CTIF: variants seen among roughly 807,000 people sequenced by gnomAD.
CTIF encodes CBP80/20-dependent translation initiation factor.
Under a neutral mutation model 66.0 loss-of-function variants are expected in CTIF, and 21 were observed. That is an observed-to-expected ratio of 0.32 (90% CI 0.23 to 0.46). CTIF has a LOEUF of 0.46. CTIF is among the 20% of genes least tolerant of loss of function. CTIF has a pLI of 1.00. For missense variants in CTIF, 739 were observed against 812.7 expected (o/e 0.91, Z 1.10); for synonymous variants, 345 against 326.4 (o/e 1.06, Z -0.62).
At chr18:48,738,263 G>A (rs2092521633) in intron 7 of CTIF, among the ~76,000 whole-genome samples, 1 of 152,136 alleles carries the variant, frequency 6.6e-6, no homozygotes, top group South Asian at 2.1e-4. Context: ...GGCCAAGGCA[G>A]TGTGGGCTCT....
intron 7 of CTIF, among the ~76,000 whole-genome samples, chr18:48,736,291 G>T (rs1213179904): frequency 6.6e-6 from 1 of 152,154 alleles, no homozygotes; most frequent in Non-Finnish European, 1.5e-5. Context: ...GAATGCCTGT[G>T]CCTCTCCAAG....
At chr18:48,595,081 C>G (rs564731562) in intron 1 of CTIF, among the ~76,000 whole-genome samples, 1 of 152,338 alleles carries the variant, frequency 6.6e-6, no homozygotes, top group East Asian at 1.9e-4. Context: ...CATCAAGTCA[C>G]AATGAACAAA....
At chr18:48,619,792 G>T (rs770507427) in intron 2 of CTIF, 47 bp downstream of exon 2, 221 of 1,447,502 alleles carry the variant, frequency 1.5e-4, no homozygotes, top group Non-Finnish European at 1.9e-4. Context: ...TTCAGAGGGG[G>T]TGATGCAGGA....
chr18:48,561,130 A>G (rs1187731544), intron 1 of CTIF, among the ~76,000 whole-genome samples: 1 of 148,814 alleles, frequency 6.7e-6, no homozygotes. Context: ...TCCCAGCTAC[A>G]TGGGAGGCTG....
intron 8 of CTIF, chr18:48,760,611 C>A (rs953287145): frequency 6.6e-6 from 1 of 152,176 alleles, no homozygotes; most frequent in Non-Finnish European, 1.5e-5. Flanking sequence ...CACTTCCTTG[C>A]AGTTAAGTTG....
chr18:48,694,848 C>T (rs2091982354), intron 6 of CTIF, among the ~76,000 whole-genome samples: 1 of 151,896 alleles, frequency 6.6e-6, no homozygotes, highest in African/African-American at 2.4e-5. Context: ...ATATTTGGAA[C>T]AGGACTTACA....
At chr18:48,732,325 G>C (rs535485333) in intron 7 of CTIF, among the ~76,000 whole-genome samples, 1 of 152,276 alleles carries the variant, frequency 6.6e-6, no homozygotes. Flanking sequence ...AAGGCTGTAG[G>C]AAAAATAGAA....
chr18:48,729,975 C>A (rs1016116535), intron 7 of CTIF, among the ~76,000 whole-genome samples: 9 of 152,230 alleles, frequency 5.9e-5, no homozygotes, highest in African/African-American at 2.2e-4. Context: ...GGAGGACTGC[C>A]TCAGGAGGCT....
In CTIF at chr18:48,735,019, T is replaced by C. The variant is rs185453487; in HGVS notation, c.585-22900T>C. ...CACATGTATGCATGCATATTGCATGTGTGCAATATGTGTACAAGTATGTAT... is the reference window on the plus strand; with the variant it reads ...CACATGTATGCATGCATATTGCATGCGTGCAATATGTGTACAAGTATGTAT... On this transcript the variant is annotated intron_variant, in intron 7 of 11. Coordinates refer to ENST00000256413, the MANE Select transcript of CTIF (RefSeq NM_014772.3). 8.5e-5 allele frequency among the ~76,000 whole-genome samples: 13 copies of C among 152,346 alleles called. No homozygotes were observed. In the East Asian group the frequency reaches 2.5e-3, roughly 29 times the overall value.
chr18:48,708,292 G>C (rs2092184196), intron 6 of CTIF, among the ~76,000 whole-genome samples: 1 of 152,144 alleles, frequency 6.6e-6, no homozygotes. Flanking sequence ...CCTTTCTTCT[G>C]CTGGCCTCAC....
intron 6 of CTIF, among the ~76,000 whole-genome samples, chr18:48,707,631 T>C (rs1403438972): frequency 6.6e-6 from 1 of 151,620 alleles, no homozygotes; most frequent in Non-Finnish European, 1.5e-5. Context: ...TCTTCCTCAT[T>C]CTCCTTTTTT....
intron 3 of CTIF, among the ~76,000 whole-genome samples, chr18:48,646,036 A>G (rs1298559911): frequency 6.6e-6 from 1 of 152,198 alleles, no homozygotes; most frequent in Non-Finnish European, 1.5e-5. Context: ...AACTGAAATA[A>G]TCAATGGATG....
At chr18:48,567,290 C>G (rs2089300106) in intron 1 of CTIF, 1 of 152,180 alleles carries the variant, frequency 6.6e-6, no homozygotes, top group South Asian at 2.1e-4. Context: ...GGTGACCAGT[C>G]AGATGGGTGG....
Position 48,859,829 on chromosome 18 carries a change from C to T in CTIF, c.*270C>T, listed in dbSNP as rs1295887978. 2 of 624,708 alleles carry T rather than the reference C, an allele frequency of 3.2e-6. No individual in the cohort carries two copies. Among genetic ancestry groups the T allele is most frequent in the African/African-American group, 1.8e-5 (1 of 55,552 alleles). The allele number at this position is 624,708 out of a possible 1,614,324, so 38.7% of individuals were successfully genotyped here. A position where few individuals can be genotyped will look rare whatever the true frequency, so the allele number is the denominator to read the frequency against. ...TCCTGGTGGCCCTGGCCCTCCCCTT[C>T]CTCACTCCCGCCTCTCCCCTCCCCA... On this transcript the variant is annotated 3_prime_UTR_variant, in exon 12 of 12. Transcript: ENST00000256413.
At chr18:48,680,284 T>A (rs1441828700) in intron 6 of CTIF, among the ~76,000 whole-genome samples, 2 of 152,216 alleles carry the variant, frequency 1.3e-5, no homozygotes, top group Non-Finnish European at 2.9e-5. Context: ...CAGAATCCCT[T>A]GATGAGTATC....
In CTIF at chr18:48,862,219, C is replaced by T. The variant is rs1257735871; in HGVS notation, c.*2660C>T. On this transcript the variant is annotated 3_prime_UTR_variant, in exon 12 of 12. Coordinates refer to ENST00000256413, the MANE Select transcript of CTIF (RefSeq NM_014772.3). ...TCTGTGGCATGAGGAAGGCCGCGTCCGAGTTGACCTCTGAATGTATGTGAT... is the reference window on the plus strand; with the variant it reads ...TCTGTGGCATGAGGAAGGCCGCGTCTGAGTTGACCTCTGAATGTATGTGAT... 5 of 152,286 alleles carry T rather than the reference C, an allele frequency of 3.3e-5. No individual in the cohort carries two copies. In the East Asian group the frequency reaches 9.7e-4, roughly 29 times the overall value. The allele number at this position is 152,286 out of a possible 1,614,324, so 9.4% of individuals were successfully genotyped here. A position where few individuals can be genotyped will look rare whatever the true frequency, so the allele number is the denominator to read the frequency against.
chr18:48,745,104 G>T (rs1005770216), intron 7 of CTIF, among the ~76,000 whole-genome samples: 2 of 152,226 alleles, frequency 1.3e-5, no homozygotes, highest in African/African-American at 4.8e-5. Context: ...TTACAGGCAT[G>T]AGCCACTGTG....
rs186869526 is a variant in CTIF at position 48,671,154 on chromosome 18, A to C, written c.507+410A>C. Among the ~76,000 whole-genome samples the C allele has an allele frequency of 2.8e-3, 432 of 152,174 alleles. 2 individuals are homozygous for C. The highest frequency in any genetic ancestry group is 4.4e-3 in the Non-Finnish European group (300 of 67,986). On this transcript the variant is annotated intron_variant, in intron 6 of 11. Transcript: ENST00000256413. Reference sequence around the variant, plus strand: ...TGGGGCTGTCTTTAGGCTTTTGAACAGTGGACTTGCCCTGCTGGCCTCCAG... The same window carrying C: ...TGGGGCTGTCTTTAGGCTTTTGAACCGTGGACTTGCCCTGCTGGCCTCCAG...
chr18:48,685,985 A>C (rs1223369613), intron 6 of CTIF, among the ~76,000 whole-genome samples: 2 of 152,176 alleles, frequency 1.3e-5, no homozygotes, highest in African/African-American at 4.8e-5. Flanking sequence ...GCCCCAAGTT[A>C]CTATTTTTCT....
Sources: gnomAD v4.1 joint callset for allele counts (sites outside exome capture counted in the v4.1 genomes callset) on GRCh38, gnomAD v4.1.1 for gene constraint, MANE v1.5 for transcripts, NCBI Gene and HGNC (gene_info 2026-07-23, HGNC 2026-07-21) for gene names.